INTS9: variants seen among roughly 807,000 people sequenced by gnomAD.
INTS9 encodes protein related to CPSF subunits of 74 kDa.
In INTS9, 55 loss-of-function variants were observed where a neutral mutation model predicts 79.7. The observed-to-expected ratio is 0.69, with a 90% CI of 0.56 to 0.86. The LOEUF (loss-of-function observed/expected upper bound fraction) is 0.86, where lower values mean the gene tolerates loss of function less well. INTS9 is among the 40% of genes least tolerant of loss of function. The probability of loss-of-function intolerance (pLI) is 0.00; values close to 1 mark genes in which losing one functional copy is unlikely to be tolerated. For missense variants in INTS9, 721 were observed against 831.5 expected, an observed-to-expected ratio of 0.87 and a Z score of 1.64; for synonymous variants, 319 against 325.2, an observed-to-expected ratio of 0.98 and a Z score of 0.20.
intron 1 of INTS9, chr8:28,862,388 T>C (rs1490096152): frequency 4.4e-6 from 1 of 227,350 alleles, no homozygotes; most frequent in African/African-American, 2.3e-5. Flanking sequence ...TCATGTTACA[T>C]GACACTTAAT....
intron 1 of INTS9, among the ~76,000 whole-genome samples, chr8:28,870,352 T>C (rs1167280105): frequency 0.027 from 365 of 13,352 alleles, 1 homozygote; most frequent in African/African-American, 0.083. Flanking sequence ...AAAAAAGCTT[T>C]TTTTTTTTTT....
chr8:28,778,020 A>G (rs1454145050), intron 12 of INTS9, 67 bp from the exon 13 acceptor site: 21 of 1,494,232 alleles, frequency 1.4e-5, no homozygotes, highest in Admixed American at 4.4e-5. Flanking sequence ...CCAGACAGCA[A>G]CTGGGGCGCT....
At chr8:28,844,594 G>C (rs987279636) in intron 4 of INTS9, among the ~76,000 whole-genome samples, 1 of 152,166 alleles carries the variant, frequency 6.6e-6, no homozygotes, top group Non-Finnish European at 1.5e-5. Flanking sequence ...GGGAGGCCGA[G>C]GCAGGTGTAT....
rs545065813 is a variant in INTS9 at position 28,848,479 on chromosome 8, T to C, written c.199-1670A>G. Reference sequence around the variant, plus strand: ...CCACTGTACTCTCTGGTTTCTCTCCTTAGATGAGTACCATTTAACTAGCGA... The same window carrying C: ...CCACTGTACTCTCTGGTTTCTCTCCCTAGATGAGTACCATTTAACTAGCGA... On this transcript the variant is annotated intron_variant, in intron 3 of 16. Coordinates refer to ENST00000521022, the MANE Select transcript of INTS9 (RefSeq NM_018250.4). Among the ~76,000 whole-genome samples, 4 of 152,338 alleles carry C rather than the reference T, an allele frequency of 2.6e-5. No homozygotes were observed. The South Asian group carries it at 8.3e-4, about 32-fold the overall frequency.
chr8:28,785,889 C>T (rs1380161846), intron 11 of INTS9, among the ~76,000 whole-genome samples: 2 of 152,168 alleles, frequency 1.3e-5, no homozygotes, highest in East Asian at 3.8e-4. Context: ...TCACTCTTTC[C>T]TTATATCTAA....
chr8:28,791,132 TG>T (rs1803894942), intron 10 of INTS9, among the ~76,000 whole-genome samples: 1 of 152,178 alleles, frequency 6.6e-6, no homozygotes, highest in Non-Finnish European at 1.5e-5. Flanking sequence ...TCCTCCAGGA[TG>T]GTAGAGACTG....
intron 1 of INTS9, among the ~76,000 whole-genome samples, chr8:28,876,092 C>T (rs777866202): frequency 1.4e-4 from 21 of 151,944 alleles, no homozygotes; most frequent in Non-Finnish European, 2.6e-4. Context: ...GTGTGGGTGG[C>T]CATTACGTTT....
intron 14 of INTS9, among the ~76,000 whole-genome samples, chr8:28,772,666 G>A (rs958256321): frequency 2.6e-4 from 39 of 152,112 alleles, no homozygotes; most frequent in African/African-American, 9.2e-4. Flanking sequence ...AATTATCCAG[G>A]TGTGGTGGCA....
At chr8:28,804,587 C>T (rs1192380702) in intron 8 of INTS9, among the ~76,000 whole-genome samples, 1 of 152,036 alleles carries the variant, frequency 6.6e-6, no homozygotes, top group African/African-American at 2.4e-5. Context: ...CAGGGAGACA[C>T]TCAGGAGAAA....
chr8:28,820,451 G>C (rs1406961916), intron 6 of INTS9, among the ~76,000 whole-genome samples: 1 of 152,196 alleles, frequency 6.6e-6, no homozygotes, highest in Non-Finnish European at 1.5e-5. Flanking sequence ...TAAGAATGTT[G>C]AATATTGGCC....
chr8:28,807,541 C>A (rs1488152658), intron 8 of INTS9, among the ~76,000 whole-genome samples: 1 of 152,128 alleles, frequency 6.6e-6, no homozygotes, highest in African/African-American at 2.4e-5. Flanking sequence ...TGTAATCAAG[C>A]AAGATTTATC....
chr8:28,878,916 A>G (rs112612649), intron 1 of INTS9, among the ~76,000 whole-genome samples: 2 of 151,676 alleles, frequency 1.3e-5, no homozygotes, highest in Non-Finnish European at 2.9e-5. Context: ...GGAGGTAGAG[A>G]TTGCAGTGAG....
chr8:28,792,519 A>C (rs1803971366), intron 10 of INTS9, among the ~76,000 whole-genome samples: 1 of 150,670 alleles, frequency 6.6e-6, no homozygotes, highest in African/African-American at 2.4e-5. Context: ...CCTAAATGCA[A>C]TGTGTTACCC....
chr8:28,779,525 T>C (rs1200970269), intron 12 of INTS9, among the ~76,000 whole-genome samples: 1 of 152,178 alleles, frequency 6.6e-6, no homozygotes, highest in Non-Finnish European at 1.5e-5. Context: ...GACCACAGCA[T>C]AAGCAAACTT....
At chr8:28,870,520 G>A (rs1285123129) in intron 1 of INTS9, among the ~76,000 whole-genome samples, 2 of 152,096 alleles carry the variant, frequency 1.3e-5, no homozygotes, top group Non-Finnish European at 2.9e-5. Context: ...AATGGCTAGA[G>A]GATCAGCATC....
intron 8 of INTS9, among the ~76,000 whole-genome samples, chr8:28,805,098 A>T (rs1413506748): frequency 6.6e-6 from 1 of 152,248 alleles, no homozygotes; most frequent in African/African-American, 2.4e-5. Flanking sequence ...AGTTAAAGGA[A>T]ATTGGAAGAT....
At chr8:28,815,434 CT>C (rs1420321080) in intron 6 of INTS9, among the ~76,000 whole-genome samples, 2 of 152,114 alleles carry the variant, frequency 1.3e-5, no homozygotes, top group African/African-American at 4.8e-5. Context: ...GAAGACTAAA[CT>C]ACATGTTGAC....
rs962018489 is a variant in INTS9, at chr8:28,813,719, CAT to C, written c.489-109_489-108del. On this transcript the variant is annotated intron_variant, in intron 6 of 16. Coordinates refer to ENST00000521022, the MANE Select transcript of INTS9 (RefSeq NM_018250.4). ...TGATCCAAATGGTTTAATTTACTGG[CAT>C]ATAATTGTTCATAGGATTCCTTTAT... The C allele has an allele frequency of 1.3e-5, 16 of 1,213,518 alleles. No homozygotes were observed. The African/African-American group carries it at 2.4e-4, about 18-fold the overall frequency. The allele number at this position is 1,213,518 out of a possible 1,614,324, so 75.2% of individuals were successfully genotyped here. A position where few individuals can be genotyped will look rare whatever the true frequency, so the allele number is the denominator to read the frequency against.
intron 6 of INTS9, among the ~76,000 whole-genome samples, chr8:28,821,161 T>C (rs1273768641): frequency 2.0e-5 from 3 of 152,056 alleles, no homozygotes; most frequent in African/African-American, 4.8e-5. Flanking sequence ...AGGGTCACAA[T>C]AAACGACCCA....
Sources: allele counts gnomAD v4.1 joint callset (sites outside exome capture counted in the v4.1 genomes callset), GRCh38; gene constraint gnomAD v4.1.1; transcripts MANE v1.5; gene names NCBI Gene and HGNC (gene_info 2026-07-23, HGNC 2026-07-21).